TACC2: variants seen among roughly 807,000 people sequenced by gnomAD.
TACC2 encodes transforming acidic coiled-coil containing protein 2.
A neutral mutation model predicts 227.3 loss-of-function variants in TACC2; 137 were observed. The ratio of observed to expected loss-of-function variants is 0.60; its 90% CI spans 0.52 to 0.69. TACC2 has a LOEUF of 0.69. Ranked by LOEUF, TACC2 falls within the 30% of genes least tolerant of loss-of-function variation. The probability of loss-of-function intolerance (pLI) is 0.00; values close to 1 mark genes in which losing one functional copy is unlikely to be tolerated. For missense variants in TACC2, 3,470 were observed against 3,694.4 expected, an observed-to-expected ratio of 0.94 and a Z score of 1.57; for synonymous variants, 1,523 against 1,487.5, an observed-to-expected ratio of 1.02 and a Z score of -0.55.
At chr10:122,005,478 G>A (rs1954973136) in intron 1 of TACC2, among the ~76,000 whole-genome samples, 1 of 149,718 alleles carries the variant, frequency 6.7e-6, no homozygotes, top group South Asian at 2.1e-4. Flanking sequence ...TCCACCTCCT[G>A]GGTTCACGCC....
At chr10:122,191,141 G>A (rs1426522906) in intron 7 of TACC2, among the ~76,000 whole-genome samples, 5 of 151,066 alleles carry the variant, frequency 3.3e-5, no homozygotes, top group South Asian at 2.1e-4. Context: ...TTTAAGAGTC[G>A]AGGTCTCGCT....
At chr10:122,054,131 G>T (rs1252545894) in intron 3 of TACC2, among the ~76,000 whole-genome samples, 3 of 152,194 alleles carry the variant, frequency 2.0e-5, no homozygotes, top group African/African-American at 7.2e-5. Context: ...AATTATGCTA[G>T]AACATGGGGT....
chr10:122,085,158 C>T lies in TACC2; in HGVS notation c.2658C>T (p.Asn886=), dbSNP rs1261968519. The T allele has an allele frequency of 6.2e-7, 1 of 1,614,054 alleles. No homozygotes were observed. The highest frequency in any genetic ancestry group is 8.5e-7 in the Non-Finnish European group (1 of 1,180,040). Residue 886 remains asparagine (N), a synonymous_variant, in exon 4 of 23, where the codon AAC becomes AAT. Coordinates refer to ENST00000369005, the MANE Select transcript of TACC2 (RefSeq NM_206862.4). ...CTGTGGAACCTCAGGAAGATAACAA[C>T]TTGCCCACTCATGGAGGACAGGAGC... ...HVPVEPQEDN[N]LPTHGGQEQA...
At chr10:122,111,305 G>A (rs528403240) in intron 5 of TACC2, among the ~76,000 whole-genome samples, 12 of 152,246 alleles carry the variant, frequency 7.9e-5, no homozygotes, top group Admixed American at 2.0e-4. Context: ...AGTAGATTTC[G>A]AAACAGAGTG....
At chr10:122,213,019 A>G (rs1462122428) in intron 9 of TACC2, among the ~76,000 whole-genome samples, 2 of 152,218 alleles carry the variant, frequency 1.3e-5, no homozygotes, top group East Asian at 3.8e-4. Flanking sequence ...AGGCGTCCCC[A>G]GTCACTTTCT....
At position 122,087,849 on chromosome 10, in the gene TACC2, C is replaced by A. The variant is rs764378043; in HGVS notation, c.5349C>A (p.Arg1783=). The A allele has an allele frequency of 8.5e-6, 13 of 1,526,476 alleles. No homozygotes were observed. The highest frequency in any genetic ancestry group is 7.9e-5 in the South Asian group (6 of 76,318). 94.6% of individuals were successfully genotyped at this position (1,526,476 alleles called of 1,614,324 possible). ...CTAAGGAGCAGCCAGGGCCTGAGCG[C>A]CCCATTCCAGCTGGGGATGGGAAGG... ...QQAKEQPGPE[R]PIPAGDGKVC... is the part of the protein sequence containing the mutation. Residue 1783 remains arginine, a synonymous_variant, in exon 4 of 23, where the codon CGC becomes CGA. Transcript: ENST00000369005.
intron 7 of TACC2, among the ~76,000 whole-genome samples, chr10:122,181,870 A>C (rs1372021840): frequency 1.3e-5 from 2 of 149,306 alleles, no homozygotes; most frequent in African/African-American, 2.6e-5. Context: ...TTTACCAGCT[A>C]TTCTTTTTCT....
At chr10:122,089,276 C>T (rs559813081) in intron 5 of TACC2, among the ~76,000 whole-genome samples, 19 of 152,120 alleles carry the variant, frequency 1.2e-4, no homozygotes, top group Non-Finnish European at 2.8e-4. Flanking sequence ...CCCTAGATAT[C>T]ATACCCCAGC....
At chr10:122,168,762 C>T (rs991621946) in intron 7 of TACC2, among the ~76,000 whole-genome samples, 1 of 152,184 alleles carries the variant, frequency 6.6e-6, no homozygotes, top group African/African-American at 2.4e-5. Flanking sequence ...CCCTCCCATT[C>T]CCATCCCTGT....
At chr10:122,135,065 G>T (rs1321342126) in intron 6 of TACC2, among the ~76,000 whole-genome samples, 1 of 152,196 alleles carries the variant, frequency 6.6e-6, no homozygotes, top group African/African-American at 2.4e-5. Flanking sequence ...GGTGGGAACT[G>T]CTGTCATGGC....
chr10:122,047,440 C>A (rs988692795), intron 2 of TACC2, among the ~76,000 whole-genome samples: 1 of 152,036 alleles, frequency 6.6e-6, no homozygotes, highest in Admixed American at 6.6e-5. Flanking sequence ...AGGCTGAGAC[C>A]CCTCAGGGGG....
chr10:122,069,179 G>A (rs371774722), intron 3 of TACC2, among the ~76,000 whole-genome samples: 11 of 152,006 alleles, frequency 7.2e-5, no homozygotes, highest in African/African-American at 1.9e-4. Flanking sequence ...TCTCTGTGCC[G>A]CTTTCTCCAG....
intron 9 of TACC2, among the ~76,000 whole-genome samples, chr10:122,214,878 A>G (rs1464740586): frequency 6.6e-6 from 1 of 152,108 alleles, no homozygotes; most frequent in African/African-American, 2.4e-5. Context: ...ATTGAGCTCA[A>G]AGATCCTGTG....
intron 7 of TACC2, among the ~76,000 whole-genome samples, chr10:122,159,134 T>C (rs1393764135): frequency 2.0e-5 from 3 of 151,118 alleles, no homozygotes; most frequent in Non-Finnish European, 4.4e-5. Flanking sequence ...TCTGGAGGAA[T>C]TGAGAGAGAT....
chr10:122,064,184 T>G lies in TACC2; in HGVS notation c.146+13634T>G, dbSNP rs75095796. Among the ~76,000 whole-genome samples, 265 of 152,160 alleles carry G rather than the reference T, an allele frequency of 1.7e-3. 1 individual carries two copies. Among genetic ancestry groups the G allele is most frequent in the Middle Eastern group, 0.01 (3 of 294 alleles). ...CTCAAACAACAACAAAAAGTGTGTGTGTGTGTATATAATTTTTATATATGT... is the reference window on the plus strand; with the variant it reads ...CTCAAACAACAACAAAAAGTGTGTGGGTGTGTATATAATTTTTATATATGT... On this transcript the variant is annotated intron_variant, in intron 3 of 22. Transcript: ENST00000369005.
chr10:122,088,528 A>G lies in TACC2; in HGVS notation c.5510A>G (p.Asp1837Gly), dbSNP rs1191981810. Residue 1837 changes from aspartate to glycine, a missense_variant, in exon 5 of 23, where the codon GAT becomes GGT. Asp to Gly is a moderately conservative substitution (Grantham distance 94, BLOSUM62 -1). Around this residue, in one of 10 missense-constraint regions of TACC2, gnomAD observed 1,924 missense variants for 1,978.3 expected, o/e 0.97. Transcript: ENST00000369005. ...PSMLPSVPKK[D>G]APRVMDKVTS... Reference sequence around the variant, plus strand: ...ATGTTACCTTCGGTTCCTAAGAAGGATGCTCCAAGAGTCATGGATAAAGTC... The same window carrying G: ...ATGTTACCTTCGGTTCCTAAGAAGGGTGCTCCAAGAGTCATGGATAAAGTC... The G allele has an allele frequency of 2.5e-6, 4 of 1,613,802 alleles. No homozygotes were observed. The African/African-American group carries it at 5.3e-5, about 22-fold the overall frequency.
chr10:122,025,969 C>T (rs929992240), intron 2 of TACC2, among the ~76,000 whole-genome samples: 3 of 151,748 alleles, frequency 2.0e-5, no homozygotes, highest in Non-Finnish European at 4.4e-5. Flanking sequence ...ATATTTTCTT[C>T]CATTCTGTAA....
chr10:122,161,542 C>T (rs116933229), intron 7 of TACC2, among the ~76,000 whole-genome samples: 496 of 152,354 alleles, frequency 3.3e-3, no homozygotes, highest in South Asian at 0.012. Flanking sequence ...GTTAAACAGT[C>T]GGCTCAGGCC....
At chr10:122,139,440 C>T (rs1278954809) in intron 6 of TACC2, among the ~76,000 whole-genome samples, 2 of 152,204 alleles carry the variant, frequency 1.3e-5, no homozygotes, top group Non-Finnish European at 2.9e-5. Flanking sequence ...AAGCACCTCT[C>T]AGCACCTTCT....
Sources: allele counts gnomAD v4.1 joint callset (sites outside exome capture counted in the v4.1 genomes callset), GRCh38; gene constraint gnomAD v4.1.1; regional missense constraint gnomAD v4.1.1; transcripts MANE v1.5; gene names NCBI Gene and HGNC (gene_info 2026-07-23, HGNC 2026-07-21).